FER: variants seen among roughly 807,000 people sequenced by gnomAD.
The protein encoded by FER is FER tyrosine kinase.
Under a neutral mutation model 111.0 loss-of-function variants are expected in FER, and 63 were observed. The ratio of observed to expected loss-of-function variants is 0.57; its 90% confidence interval spans 0.46 to 0.70. The LOEUF (loss-of-function observed/expected upper bound fraction) is 0.70. FER is among the 30% of genes least tolerant of loss of function. The pLI, the probability that FER is intolerant of heterozygous loss-of-function variation, is 0.00. For synonymous variants in FER, 327 were observed against 313.9 expected (o/e 1.04, Z -0.44); for missense variants, 914 against 954.0 (o/e 0.96, Z 0.55).
chr5:108,808,731 G>C (rs1757450621), intron 3 of FER, among the ~76,000 whole-genome samples: 1 of 152,096 alleles, frequency 6.6e-6, no homozygotes, highest in South Asian at 2.1e-4. Flanking sequence ...TATTTTCGTT[G>C]TTGTTGTTTC....
intron 3 of FER, among the ~76,000 whole-genome samples, chr5:108,809,212 C>T (rs1287046162): frequency 6.6e-6 from 1 of 152,152 alleles, no homozygotes; most frequent in Non-Finnish European, 1.5e-5. Context: ...TTTTCTCCTT[C>T]TTTCTCAGGA....
chr5:108,878,331 TC>T (rs1303995375), intron 8 of FER, among the ~76,000 whole-genome samples: 1 of 152,158 alleles, frequency 6.6e-6, no homozygotes, highest in African/African-American at 2.4e-5. Flanking sequence ...TTTCTTCTTT[TC>T]GTCGACCACC....
At chr5:108,761,511 G>T (rs1751749096) in intron 1 of FER, among the ~76,000 whole-genome samples, 1 of 152,078 alleles carries the variant, frequency 6.6e-6, no homozygotes, top group East Asian at 1.9e-4. Flanking sequence ...AAACAATTAA[G>T]ATAGTAATAT....
chr5:108,767,896 A>T (rs762561026), intron 1 of FER, among the ~76,000 whole-genome samples, 197 bp from the exon 2 acceptor site: 1 of 152,230 alleles, frequency 6.6e-6, no homozygotes, highest in Non-Finnish European at 1.5e-5. Flanking sequence ...ACTGTTTCGG[A>T]AAGTTAGAGA....
intron 5 of FER, among the ~76,000 whole-genome samples, chr5:108,844,041 C>CAT (rs5870334): frequency 1.0e-5 from 1 of 95,472 alleles, no homozygotes; most frequent in Non-Finnish European, 2.3e-5. Context: ...TGTGTGTGAA[C>CAT]ATATATATGT....
chr5:109,111,490 A>G (rs531314974), intron 17 of FER, among the ~76,000 whole-genome samples: 2 of 152,254 alleles, frequency 1.3e-5, no homozygotes, highest in East Asian at 3.9e-4. Flanking sequence ...TGCCATTGGA[A>G]ATAATGGCAA....
intron 3 of FER, among the ~76,000 whole-genome samples, chr5:108,815,953 T>G (rs1256629066): frequency 6.6e-6 from 1 of 152,050 alleles, no homozygotes; most frequent in Non-Finnish European, 1.5e-5. Context: ...TTGAAATCAT[T>G]TCAACATTTA....
Position 109,057,333 on chromosome 5 carries a change from C to T in FER, c.1924+10135C>T, listed in dbSNP as rs570316427. Among the ~76,000 whole-genome samples the T allele has an allele frequency of 1.2e-4, 18 of 152,220 alleles. 1 individual carries two copies. The South Asian group carries it at 3.7e-3, about 32-fold the overall frequency. Reference sequence around the variant, plus strand: ...ACAAAAACAGGGAATAGTGATAAAACTAAAAGCTAGTCCTTTGAGAAGATT... The same window carrying T: ...ACAAAAACAGGGAATAGTGATAAAATTAAAAGCTAGTCCTTTGAGAAGATT... On this transcript the variant is annotated intron_variant, in intron 16 of 19. Transcript: ENST00000281092.
intron 17 of FER, among the ~76,000 whole-genome samples, chr5:109,112,223 T>G (rs76996715): frequency 0.034 from 5,213 of 152,178 alleles, 144 homozygotes; most frequent in South Asian, 0.085. Flanking sequence ...TATAGTAGTA[T>G]TAAATTATTA....
At position 108,892,715 on chromosome 5, in the gene FER, T is replaced by C. The variant is rs1748325211; in HGVS notation, c.1047-4944T>C. On this transcript the variant is annotated intron_variant, in intron 9 of 19. Coordinates refer to ENST00000281092, the MANE Select transcript of FER (RefSeq NM_005246.4). ...TTTTGGCTTTTGTTGCCATTTCTTT[T>C]GGTGTTCTAGACATGAAGTCCTTGC... Among the ~76,000 whole-genome samples, 3 of 152,340 alleles carry C rather than the reference T, an allele frequency of 2.0e-5. No homozygotes were observed. In the South Asian group the frequency reaches 6.2e-4, roughly 32 times the overall value.
chr5:109,185,019 T>TATG (rs1758705251), intron 18 of FER, among the ~76,000 whole-genome samples: 1 of 152,194 alleles, frequency 6.6e-6, no homozygotes, highest in Non-Finnish European at 1.5e-5. Flanking sequence ...GGAGTTTAGT[T>TATG]ATGATAGTAT....
At chr5:109,033,977 T>C (rs1181196447) in intron 13 of FER, among the ~76,000 whole-genome samples, 1 of 152,186 alleles carries the variant, frequency 6.6e-6, no homozygotes, top group African/African-American at 2.4e-5. Flanking sequence ...ATAACTTATT[T>C]TTGGTAGTGA....
At position 109,057,000 on chromosome 5, in the gene FER, T is replaced by C. The variant is rs532213571; in HGVS notation, c.1924+9802T>C. 3.3e-4 allele frequency among the ~76,000 whole-genome samples: 51 copies of C among 152,318 alleles called. 1 individual carries two copies. Among genetic ancestry groups the C allele is most frequent in the Admixed American group, 1.1e-3 (17 of 15,308 alleles). ...TAGAATTTAGAGTGAGATTTTATTTTATCAATATATCAATTTGGGGAAAAT... is the reference window on the plus strand; with the variant it reads ...TAGAATTTAGAGTGAGATTTTATTTCATCAATATATCAATTTGGGGAAAAT... On this transcript the variant is annotated intron_variant, in intron 16 of 19. Transcript: ENST00000281092.
intron 3 of FER, among the ~76,000 whole-genome samples, chr5:108,799,342 T>C (rs1756385153): frequency 1.3e-5 from 2 of 152,244 alleles, no homozygotes; most frequent in Non-Finnish European, 2.9e-5. Context: ...CACTATAGAA[T>C]GTTAAAAAAA....
intron 2 of FER, among the ~76,000 whole-genome samples, chr5:108,774,536 C>T (rs770488793): frequency 3.9e-5 from 6 of 152,128 alleles, no homozygotes; most frequent in East Asian, 1.9e-4. Flanking sequence ...TAAAAGCATT[C>T]GTATTTCTCC....
chr5:108,830,314 C>T lies in FER; in HGVS notation c.208-2456C>T, dbSNP rs187285039. On this transcript the variant is annotated intron_variant, in intron 3 of 19. Transcript: ENST00000281092. ...ACTAAAAATACAAAAATTAGCTGGGCGTAGTGGTTCACACATGTAGTCTCA... is the reference window on the plus strand; with the variant it reads ...ACTAAAAATACAAAAATTAGCTGGGTGTAGTGGTTCACACATGTAGTCTCA... Among the ~76,000 whole-genome samples the T allele has an allele frequency of 2.1e-3, 324 of 152,028 alleles. 3 individuals carry two copies. The highest frequency in any genetic ancestry group is 7.4e-3 in the African/African-American group (307 of 41,482).
rs1050912595 is a variant in FER, at chr5:109,164,743, T to C, written c.2049-16004T>C. 1.5e-3 allele frequency among the ~76,000 whole-genome samples: 235 copies of C among 152,282 alleles called. 1 individual carries two copies. The highest frequency in any genetic ancestry group is 2.5e-4 in the Non-Finnish European group (17 of 68,006). On this transcript the variant is annotated intron_variant, in intron 17 of 19. Coordinates refer to ENST00000281092, the MANE Select transcript of FER (RefSeq NM_005246.4). The stretch of plus-strand genomic sequence containing the variant: ...CAATATTGTCACACCTTCTGTTTGG[T>C]AGCATATACTAAACAGTCTTGCCTT...
At chr5:109,048,284 G>C (rs1055643614) in intron 16 of FER, among the ~76,000 whole-genome samples, 4 of 152,048 alleles carry the variant, frequency 2.6e-5, no homozygotes, top group Admixed American at 2.6e-4. Context: ...AGAATACCTA[G>C]ATCATTATCA....
intron 18 of FER, among the ~76,000 whole-genome samples, chr5:109,182,547 C>T (rs1314972189): frequency 6.6e-6 from 1 of 152,124 alleles, no homozygotes; most frequent in Non-Finnish European, 1.5e-5. Flanking sequence ...AATATTTACA[C>T]AAAGGTTTTT....
Sources: gnomAD v4.1 joint callset for allele counts (sites outside exome capture counted in the v4.1 genomes callset) on GRCh38, gnomAD v4.1.1 for gene constraint, MANE v1.5 for transcripts, NCBI Gene and HGNC (gene_info 2026-07-23, HGNC 2026-07-21) for gene names.